The following STAMBP variants were observed in gnomAD, a reference collection of about 807,000 sequenced individuals.
STAMBP encodes STAM binding protein.
In STAMBP, 31 loss-of-function variants were observed where a neutral mutation model predicts 50.7. The observed-to-expected ratio is 0.61, with a 90% CI of 0.46 to 0.83. The LOEUF (loss-of-function observed/expected upper bound fraction) is 0.83. Among genes scored for constraint, STAMBP ranks in the 40% least tolerant of loss-of-function variants. The pLI, the probability that STAMBP is intolerant of heterozygous loss-of-function variation, is 0.00. For synonymous variants in STAMBP, 211 were observed against 192.4 expected (o/e 1.10, Z -0.80); for missense variants, 472 against 518.9 (o/e 0.91, Z 0.88).
At chr2:73,830,095 T>C (rs934641084) in intron 1 of STAMBP, among the ~76,000 whole-genome samples, 1 of 152,258 alleles carries the variant, frequency 6.6e-6, no homozygotes, top group African/African-American at 2.4e-5. Context: ...CTAGAATTAC[T>C]GGAGTTTTGG....
At chr2:73,860,969 CA>C (rs1678258423) in intron 9 of STAMBP, among the ~76,000 whole-genome samples, 1 of 152,170 alleles carries the variant, frequency 6.6e-6, no homozygotes, top group Non-Finnish European at 1.5e-5. Context: ...AGCACTAAAA[CA>C]AAGACTTCAT....
At chr2:73,854,921 CA>C (rs1483449878) in intron 7 of STAMBP, among the ~76,000 whole-genome samples, 1 of 152,042 alleles carries the variant, frequency 6.6e-6, no homozygotes, top group African/African-American at 2.4e-5. Context: ...ACTGGGAGGT[CA>C]AAGCTGCAGT....
downstream of STAMBP, among the ~76,000 whole-genome samples, chr2:73,871,106 A>G (rs72917415): frequency 0.057 from 8,740 of 152,128 alleles, 324 homozygotes; most frequent in African/African-American, 0.089. Context: ...AACCATAGTA[A>G]ATGCAGGATA....
intron 2 of STAMBP, among the ~76,000 whole-genome samples, chr2:73,835,189 A>G (rs748221022): frequency 1.3e-5 from 2 of 152,090 alleles, no homozygotes; most frequent in Non-Finnish European, 2.9e-5. Context: ...CCCCATCTCT[A>G]CTAAAAATAC....
At chr2:73,851,550 AG>A (rs1304557235) in intron 7 of STAMBP, among the ~76,000 whole-genome samples, 1 of 152,160 alleles carries the variant, frequency 6.6e-6, no homozygotes, top group Non-Finnish European at 1.5e-5. Context: ...AGGAGCAGAC[AG>A]GTGGAGAAGA....
intron 4 of STAMBP, 53 bp from the exon 5 acceptor site, chr2:73,847,334 A>G (rs1288097431): frequency 6.5e-7 from 1 of 1,535,134 alleles, no homozygotes; most frequent in African/African-American, 1.4e-5. Context: ...GTTCTCCTGA[A>G]GTGTGAAGTC....
chr2:73,850,333 T>A lies in STAMBP; in HGVS notation c.868-43T>A. 3 of 1,580,526 alleles carry A rather than the reference T, an allele frequency of 1.9e-6. No individual in the cohort carries two copies. The highest frequency in any genetic ancestry group is 2.6e-6 in the Non-Finnish European group (3 of 1,162,640). ...CGGGATGGAGTGGAGCAGGGTTGCA[T>A]GAGCACCAGGGAATTGTGACCAGCT... On this transcript the variant is annotated intron_variant, in intron 6 of 9. Transcript: ENST00000394070. This position sits in a 1 kb window ranked among gnomAD's most constrained non-coding sequence, Gnocchi z 4.3.
intron 4 of STAMBP, among the ~76,000 whole-genome samples, chr2:73,845,633 A>ATT (rs944316554): frequency 0.021 from 2,836 of 136,584 alleles, 56 homozygotes; most frequent in African/African-American, 0.034. Context: ...TTTTCAAGCT[A>ATT]TTTTTTTTTT....
At chr2:73,851,673 C>T (rs1175797446) in intron 7 of STAMBP, among the ~76,000 whole-genome samples, 10 of 146,576 alleles carry the variant, frequency 6.8e-5, no homozygotes, top group African/African-American at 2.5e-4. Flanking sequence ...GAGTTTCACT[C>T]TTTTCACCCA....
At chr2:73,871,375 C>T (rs563555793), downstream of STAMBP, among the ~76,000 whole-genome samples, 84 of 151,534 alleles carry the variant, frequency 5.5e-4, 1 homozygote, top group Admixed American at 3.0e-3. Flanking sequence ...GAAACCCCGT[C>T]TCTACGAAAA....
intron 2 of STAMBP, among the ~76,000 whole-genome samples, chr2:73,834,869 G>A (rs1380647864): frequency 6.6e-6 from 1 of 152,176 alleles, no homozygotes; most frequent in Non-Finnish European, 1.5e-5. Flanking sequence ...ACCTTAGCAT[G>A]TTCTGGGGAT....
chr2:73,849,572 A>AT, intron 6 of STAMBP, 85 bp downstream of exon 6: 1 of 1,493,038 alleles, frequency 6.7e-7, no homozygotes. Flanking sequence ...CAGAGAAAAT[A>AT]TCCAGGGTCA....
intron 10 of STAMBP, chr2:73,873,240 C>T (rs1479753482): frequency 6.6e-6 from 1 of 152,228 alleles, no homozygotes; most frequent in Non-Finnish European, 1.5e-5. Context: ...ACAGTGAGCT[C>T]AGAATCGTAT....
chr2:73,858,473 A>G (rs1399279390), intron 7 of STAMBP, among the ~76,000 whole-genome samples: 1 of 152,068 alleles, frequency 6.6e-6, no homozygotes, highest in Non-Finnish European at 1.5e-5. Context: ...ATTGACAAAT[A>G]ACAATAGTCT....
intron 2 of STAMBP, among the ~76,000 whole-genome samples, chr2:73,840,331 A>G (rs1265955372): frequency 2.3e-5 from 2 of 88,464 alleles, no homozygotes; most frequent in Non-Finnish European, 4.7e-5. Context: ...TTTTTTTTTC[A>G]GTTTTTTCTA....
chr2:73,847,305 C>G (rs750425153), intron 4 of STAMBP, 82 bp from the exon 5 acceptor site: 140 of 1,501,224 alleles, frequency 9.3e-5, no homozygotes, highest in Non-Finnish European at 1.2e-4. Flanking sequence ...TTTTGGAAAT[C>G]TCCATGCTAA....
At position 73,866,625 on chromosome 2, in the gene STAMBP, C is replaced by T. The variant is rs1231923608; in HGVS notation, c.*4366C>T. 6.6e-6 allele frequency: 1 copy of T among 152,212 alleles called. No homozygotes were observed. Among genetic ancestry groups the T allele is most frequent in the Non-Finnish European group, 1.5e-5 (1 of 68,056 alleles). 9.4% of individuals were successfully genotyped at this position (152,212 alleles called of 1,614,324 possible). On this transcript the variant is annotated 3_prime_UTR_variant, in exon 10 of 10. Transcript: ENST00000394070. ...CTTGTAGGAAGCCATCTGAATTTGA[C>T]TCAGCATCATATGCTGGGCCTGTGC...
chr2:73,842,434 G>A (rs923379074), intron 2 of STAMBP, among the ~76,000 whole-genome samples: 1 of 152,212 alleles, frequency 6.6e-6, no homozygotes, highest in Non-Finnish European at 1.5e-5. Flanking sequence ...TCCAGGGCTG[G>A]TTCCCACCTT....
At chr2:73,859,821 A>G (rs1678109366) in intron 8 of STAMBP, among the ~76,000 whole-genome samples, 1 of 152,102 alleles carries the variant, frequency 6.6e-6, no homozygotes, top group South Asian at 2.1e-4. Flanking sequence ...CACTTTGATT[A>G]TTTACTATGA....
Sources: gnomAD v4.1 joint callset for allele counts (sites outside exome capture counted in the v4.1 genomes callset) on GRCh38, gnomAD v4.1.1 for gene constraint, Gnocchi (gnomAD v3.1) non-coding constraint, MANE v1.5 for transcripts, NCBI Gene and HGNC (gene_info 2026-07-23, HGNC 2026-07-21) for gene names.